USP9X: variants seen among roughly 807,000 people sequenced by gnomAD.
USP9X encodes the protein ubiquitin carboxyl-terminal hydrolase 9X.
A neutral mutation model predicts 190.3 loss-of-function variants in USP9X; 7 were observed. That is an observed-to-expected ratio of 0.04 (90% CI 0.02 to 0.07). The LOEUF is 0.07. Ranked by LOEUF, USP9X falls within the 10% of genes least tolerant of loss-of-function variation. The probability of loss-of-function intolerance (pLI) is 1.00; values close to 1 mark genes in which losing one functional copy is unlikely to be tolerated. For synonymous variants in USP9X, 645 were observed against 659.5 expected (o/e 0.98, Z 0.34); for missense variants, 1,010 against 1,916.9 (o/e 0.53, Z 8.83).
chrX:41,214,372 A>G (rs1350560989), intron 33 of USP9X, among the ~76,000 whole-genome samples, 196 bp from the exon 34 acceptor site: 1 of 111,530 alleles, frequency 9.0e-6, no homozygotes, highest in Non-Finnish European at 1.9e-5. Flanking sequence ...TTCGCATTAT[A>G]AAAATGGCAA....
At chrX:41,155,308 A>C (rs959190649) in intron 14 of USP9X, among the ~76,000 whole-genome samples, 2 of 112,239 alleles carry the variant, frequency 1.8e-5, no homozygotes, top group African/African-American at 3.2e-5. Context: ...TCATGTTCTC[A>C]CTACAAGTGT....
At chrX:41,214,296 A>G (rs2063191361) in intron 33 of USP9X, among the ~76,000 whole-genome samples, 1 of 111,817 alleles carries the variant, frequency 8.9e-6, no homozygotes, top group Admixed American at 9.5e-5. Flanking sequence ...ACTTTAAAAT[A>G]CCATTTCACC....
chrX:41,176,189 T>C (rs942408623), intron 21 of USP9X, among the ~76,000 whole-genome samples: 1 of 111,906 alleles, frequency 8.9e-6, no homozygotes, highest in Non-Finnish European at 1.9e-5. Context: ...ATGTTGGGTC[T>C]CTACCCCAGG....
intron 1 of USP9X, among the ~76,000 whole-genome samples, chrX:41,102,161 G>T (rs989075559): frequency 8.9e-6 from 1 of 111,761 alleles, no homozygotes; most frequent in Non-Finnish European, 1.9e-5. Context: ...GATCTCAAGG[G>T]TGTTATTTTA....
At chrX:41,181,598 G>A (rs1326774509) in intron 21 of USP9X, among the ~76,000 whole-genome samples, 3 of 108,093 alleles carry the variant, frequency 2.8e-5, no homozygotes, top group Non-Finnish European at 3.8e-5. Context: ...ACAGATGGAC[G>A]CCACCACGCC....
At position 41,102,212 on chromosome X, in the gene USP9X, A is replaced by G. The variant is rs186217563; in HGVS notation, c.-159+16103A>G. Among the ~76,000 whole-genome samples the G allele has an allele frequency of 2.0e-3, 225 of 112,419 alleles. 2 individuals carry two copies. In the Middle Eastern group the frequency reaches 0.06, roughly 30 times the overall value. On this transcript the variant is annotated intron_variant, in intron 1 of 44. Transcript: ENST00000378308. ...ATTTATAATGATAATCTCATTGATTAAACATAATTTGAAATTTTTTGGTGT... is the reference window on the plus strand; with the variant it reads ...ATTTATAATGATAATCTCATTGATTGAACATAATTTGAAATTTTTTGGTGT...
intron 1 of USP9X, among the ~76,000 whole-genome samples, chrX:41,118,787 TTC>T (rs1305867608): frequency 8.9e-6 from 1 of 112,140 alleles, no homozygotes. Context: ...TTTGCCTGAA[TTC>T]TAGACGTGTA....
chrX:41,212,270 C>T (rs1357690941), intron 33 of USP9X, among the ~76,000 whole-genome samples: 3 of 107,396 alleles, frequency 2.8e-5, no homozygotes, highest in South Asian at 4.1e-4. Context: ...GCAGCATGCT[C>T]GTTAAGAGTC....
At chrX:41,142,838 G>A (rs1190666284) in intron 9 of USP9X, among the ~76,000 whole-genome samples, 1 of 112,014 alleles carries the variant, frequency 8.9e-6, no homozygotes, top group African/African-American at 3.2e-5. Context: ...TACTAGGATT[G>A]TTTGGAAAAT....
chrX:41,168,286 AAGG>A, intron 18 of USP9X, 68 bp downstream of exon 18: 2 of 924,199 alleles, frequency 2.2e-6, no homozygotes, highest in Middle Eastern at 3.2e-4. Flanking sequence ...CATTTGGTAA[AAGG>A]AGAGCAGAAA....
intron 30 of USP9X, among the ~76,000 whole-genome samples, chrX:41,200,199 A>G: frequency 9.8e-6 from 1 of 101,798 alleles, no homozygotes; most frequent in Middle Eastern, 5.2e-3. Flanking sequence ...AAATCTATGT[A>G]TTGTGAGAAT....
chrX:41,188,294 A>T (rs1194069343), intron 25 of USP9X, among the ~76,000 whole-genome samples, 177 bp downstream of exon 25: 2 of 112,324 alleles, frequency 1.8e-5, no homozygotes, highest in African/African-American at 3.2e-5. Context: ...AAAATGAAGT[A>T]CTTAAGAATC....
At chrX:41,150,615 A>G (rs2062515713) in intron 12 of USP9X, among the ~76,000 whole-genome samples, 1 of 111,549 alleles carries the variant, frequency 9.0e-6, no homozygotes, top group Non-Finnish European at 1.9e-5. Flanking sequence ...CAAACTTGGA[A>G]AATGAAACTT....
intron 38 of USP9X, among the ~76,000 whole-genome samples, chrX:41,220,728 C>T (rs1316937993): frequency 4.5e-5 from 5 of 110,430 alleles, no homozygotes; most frequent in African/African-American, 6.6e-5. Context: ...CCGAGGCAGG[C>T]GGATCACCTG....
At chrX:41,166,757 A>G (rs762015064) in intron 16 of USP9X, among the ~76,000 whole-genome samples, 23 of 111,867 alleles carry the variant, frequency 2.1e-4, no homozygotes, top group Non-Finnish European at 3.8e-4. Context: ...AGCAGTTTAT[A>G]TTGTTTGGAT....
chrX:41,204,761 G>A (rs2084795608), intron 31 of USP9X, among the ~76,000 whole-genome samples: 1 of 111,931 alleles, frequency 8.9e-6, no homozygotes, highest in Non-Finnish European at 1.9e-5. Flanking sequence ...CAACCTAGGA[G>A]CAATTGGCTA....
intron 1 of USP9X, among the ~76,000 whole-genome samples, chrX:41,104,075 C>T (rs1208754157): frequency 9.0e-6 from 1 of 111,123 alleles, no homozygotes; most frequent in Non-Finnish European, 1.9e-5. Flanking sequence ...ACCCCCACTC[C>T]CCCTTTTTTG....
intron 41 of USP9X, among the ~76,000 whole-genome samples, chrX:41,228,403 T>C (rs2063333265): frequency 8.9e-6 from 1 of 111,871 alleles, no homozygotes; most frequent in Non-Finnish European, 1.9e-5. Context: ...TGTTGTAGTT[T>C]GGGAGAAACT....
Position 41,168,216 on chromosome X carries a change from G to A in USP9X, c.2634G>A (p.Ser878=), listed in dbSNP as rs776358393. 5.1e-6 allele frequency: 6 copies of A among 1,182,840 alleles called. No homozygotes were observed. In the African/African-American group the frequency reaches 7.1e-5, roughly 14 times the overall value. Residue 878 remains serine, a splice_region_variant and synonymous_variant, in exon 18 of 45, where the codon TCG becomes TCA. Coordinates refer to ENST00000378308, the MANE Select transcript of USP9X (RefSeq NM_001039591.3). The part of the protein sequence containing the change: ...YHEERTILPM[S]RAFRGKHLSF... The stretch of plus-strand genomic sequence containing the variant: ...AGGAAAGAACAATTCTCCCTATGTC[G>A]AGGTTTGTGAATAACTAATCTATTG...
Sources: allele counts gnomAD v4.1 joint callset (sites outside exome capture counted in the v4.1 genomes callset), GRCh38; gene constraint gnomAD v4.1.1; transcripts MANE v1.5; gene names NCBI Gene and HGNC (gene_info 2026-07-23, HGNC 2026-07-21).